The following ZNF385D variants were observed in gnomAD, a reference collection of about 807,000 sequenced individuals.
The protein encoded by ZNF385D is zinc finger protein 385D.
In ZNF385D, 15 loss-of-function variants were observed where a neutral mutation model predicts 35.8. That is an observed-to-expected ratio of 0.42 (90% CI 0.28 to 0.64). The LOEUF (loss-of-function observed/expected upper bound fraction) is 0.64. ZNF385D is among the 30% of genes least tolerant of loss of function. The pLI, the probability that ZNF385D is intolerant of heterozygous loss-of-function variation, is 0.23. For missense variants in ZNF385D, 474 were observed against 494.6 expected, an observed-to-expected ratio of 0.96 and a Z score of 0.39; for synonymous variants, 212 against 186.8, an observed-to-expected ratio of 1.13 and a Z score of -1.10.
intron 1 of ZNF385D, among the ~76,000 whole-genome samples, chr3:21,709,223 A>G (rs1166222862): frequency 1.3e-5 from 2 of 152,190 alleles, no homozygotes; most frequent in Non-Finnish European, 2.9e-5. Context: ...CCTTTCAGAA[A>G]CAATGATACA....
intron 3 of ZNF385D, among the ~76,000 whole-genome samples, chr3:21,834,175 G>T (rs769533851): frequency 2.0e-5 from 3 of 152,102 alleles, no homozygotes; most frequent in Non-Finnish European, 4.4e-5. Flanking sequence ...ACTGATGTTT[G>T]CTTACCTCCA....
chr3:21,632,804 A>G (rs2065319427), intron 2 of ZNF385D, among the ~76,000 whole-genome samples: 1 of 152,110 alleles, frequency 6.6e-6, no homozygotes, highest in African/African-American at 2.4e-5. Context: ...TTTACATGAC[A>G]ATTGGAATCA....
chr3:21,687,382 T>C (rs1559519326), intron 1 of ZNF385D, among the ~76,000 whole-genome samples: 1 of 152,194 alleles, frequency 6.6e-6, no homozygotes, highest in Non-Finnish European at 1.5e-5. Context: ...AAAACGAATA[T>C]GTATAACTCA....
chr3:22,063,889 T>G (rs1000288948), intron 3 of ZNF385D, among the ~76,000 whole-genome samples: 4 of 152,226 alleles, frequency 2.6e-5, no homozygotes, highest in African/African-American at 9.6e-5. Context: ...GGCCTTTGTT[T>G]TGACAGCAGG....
At chr3:22,010,961 T>G (rs1696534223) in intron 3 of ZNF385D, among the ~76,000 whole-genome samples, 1 of 152,134 alleles carries the variant, frequency 6.6e-6, no homozygotes, top group African/African-American at 2.4e-5. Context: ...CAAAGATACA[T>G]GAATACATGA....
chr3:22,079,892 ATGTG>A (rs548835175), intron 3 of ZNF385D, among the ~76,000 whole-genome samples: 2 of 151,604 alleles, frequency 1.3e-5, no homozygotes, highest in Non-Finnish European at 2.9e-5. Flanking sequence ...AGATTCAAAT[ATGTG>A]TGTGTGTGTA....
At chr3:22,205,663 A>G (rs536864423) in intron 2 of ZNF385D, among the ~76,000 whole-genome samples, 1 of 152,066 alleles carries the variant, frequency 6.6e-6, no homozygotes, top group Admixed American at 6.6e-5. Context: ...TTGTTTATGC[A>G]ACAGTGTTAA....
intron 3 of ZNF385D, among the ~76,000 whole-genome samples, chr3:22,049,384 T>C (rs766510274): frequency 6.6e-6 from 1 of 152,194 alleles, no homozygotes; most frequent in East Asian, 1.9e-4. Flanking sequence ...AACTTTACTG[T>C]AGTTGTTTAT....
chr3:21,897,376 G>A (rs1211286722), intron 3 of ZNF385D, among the ~76,000 whole-genome samples: 1 of 152,140 alleles, frequency 6.6e-6, no homozygotes, highest in African/African-American at 2.4e-5. Flanking sequence ...GAGATCCAAT[G>A]TGCTTCTTCT....
chr3:22,211,693 A>C (rs1697536186), intron 2 of ZNF385D, among the ~76,000 whole-genome samples: 1 of 151,968 alleles, frequency 6.6e-6, no homozygotes, highest in South Asian at 2.1e-4. Context: ...GTAGGAAAAC[A>C]GGAGGATAGT....
intron 2 of ZNF385D, among the ~76,000 whole-genome samples, chr3:22,274,784 CTTTTTT>C (rs59160644): frequency 3.4e-5 from 5 of 145,864 alleles, no homozygotes; most frequent in Non-Finnish European, 7.6e-5. Flanking sequence ...GAAGTTAGTA[CTTTTTT>C]TTTTTTTTTA....
intron 2 of ZNF385D, among the ~76,000 whole-genome samples, chr3:22,260,557 T>C (rs933398003): frequency 1.3e-5 from 2 of 152,068 alleles, no homozygotes; most frequent in South Asian, 2.1e-4. Context: ...AGGTTGTAAA[T>C]CATTTTGTAA....
chr3:21,541,623 A>C (rs778880772), intron 3 of ZNF385D, among the ~76,000 whole-genome samples: 2 of 152,212 alleles, frequency 1.3e-5, no homozygotes, highest in Middle Eastern at 3.2e-3. Context: ...GACCAGGAAC[A>C]AACCCTCCTA....
chr3:22,194,964 TTTAAG>T (rs1412687093), intron 2 of ZNF385D, among the ~76,000 whole-genome samples: 3 of 151,942 alleles, frequency 2.0e-5, no homozygotes, highest in Non-Finnish European at 2.9e-5. Flanking sequence ...GTTTTGTGAA[TTTAAG>T]TTTTTATTTA....
chr3:22,313,144 C>A (rs537174548), intron 2 of ZNF385D, among the ~76,000 whole-genome samples: 5 of 151,636 alleles, frequency 3.3e-5, no homozygotes, highest in South Asian at 2.1e-4. Context: ...CAAACTATCG[C>A]CAAGGACAAA....
chr3:21,681,925 G>A lies in ZNF385D; in HGVS notation c.23-16897C>T, dbSNP rs537093332. 1.2e-4 allele frequency among the ~76,000 whole-genome samples: 18 copies of A among 152,134 alleles called. No homozygotes were observed. The South Asian group carries it at 2.7e-3, about 23-fold the overall frequency. ...ATGTAAAATGAAAGTTGGATACCTG[G>A]AGTATGTTTTATGAACTGGTCAGCC... is the stretch of plus-strand genomic sequence containing the variant. On this transcript the variant is annotated intron_variant, in intron 1 of 7. Transcript: ENST00000281523.
At chr3:22,100,032 A>C (rs1701845426) in intron 3 of ZNF385D, among the ~76,000 whole-genome samples, 1 of 151,950 alleles carries the variant, frequency 6.6e-6, no homozygotes, top group African/African-American at 2.4e-5. Context: ...GGATATGAAC[A>C]GACACTTCTC....
At chr3:21,613,781 C>T (rs1446059993) in intron 2 of ZNF385D, among the ~76,000 whole-genome samples, 2 of 152,204 alleles carry the variant, frequency 1.3e-5, no homozygotes, top group African/African-American at 4.8e-5. Context: ...AGGGAACAGA[C>T]ACTCTTAATC....
intron 3 of ZNF385D, among the ~76,000 whole-genome samples, chr3:22,135,827 A>G (rs1041737323): frequency 6.6e-6 from 1 of 152,208 alleles, no homozygotes; most frequent in African/African-American, 2.4e-5. Context: ...ATTGACCCAC[A>G]CAAGTACAGC....
Sources: gnomAD v4.1 joint callset for allele counts (sites outside exome capture counted in the v4.1 genomes callset) on GRCh38, gnomAD v4.1.1 for gene constraint, MANE v1.5 for transcripts, NCBI Gene and HGNC (gene_info 2026-07-23, HGNC 2026-07-21) for gene names.